The following THSD7B variants were observed in gnomAD, a reference collection of about 807,000 sequenced individuals.
The protein encoded by THSD7B is thrombospondin type-1 domain-containing protein 7B.
THSD7B carries 138 observed loss-of-function variants against 213.6 expected under a neutral mutation model. The ratio of observed to expected loss-of-function variants is 0.65; its 90% CI spans 0.56 to 0.74. The LOEUF (loss-of-function observed/expected upper bound fraction) is 0.74, where lower values mean the gene tolerates loss of function less well. THSD7B is among the 30% of genes least tolerant of loss of function. THSD7B has a pLI of 0.00. For missense variants in THSD7B, 1,931 were observed against 1,991.5 expected (o/e 0.97, Z 0.58); for synonymous variants, 742 against 687.0 (o/e 1.08, Z -1.25).
chr2:137,046,953 G>C (rs986684901), intron 2 of THSD7B, among the ~76,000 whole-genome samples: 3 of 152,054 alleles, frequency 2.0e-5, no homozygotes, highest in Non-Finnish European at 2.9e-5. Context: ...TCTTTATTTT[G>C]AAAGGAACAG....
intron 22 of THSD7B, 88 bp from the exon 23 acceptor site, chr2:137,656,708 A>C: frequency 7.5e-7 from 1 of 1,328,908 alleles, no homozygotes; most frequent in Non-Finnish European, 1.0e-6. Flanking sequence ...TATCACTGCA[A>C]ATCTCTGTGT....
At chr2:137,631,375 A>C (rs999677425) in intron 20 of THSD7B, among the ~76,000 whole-genome samples, 26 of 151,916 alleles carry the variant, frequency 1.7e-4, no homozygotes, top group African/African-American at 6.0e-4. Flanking sequence ...ATAACACTCT[A>C]AGAATGTTAT....
chr2:137,356,579 T>C (rs1189072271), intron 12 of THSD7B, among the ~76,000 whole-genome samples: 4 of 152,220 alleles, frequency 2.6e-5, no homozygotes, highest in Non-Finnish European at 5.9e-5. Context: ...CTTTGGCTAA[T>C]AGGACGTTGG....
intron 12 of THSD7B, among the ~76,000 whole-genome samples, chr2:137,340,936 AT>A (rs1210855816): frequency 6.6e-6 from 1 of 150,784 alleles, no homozygotes; most frequent in East Asian, 2.0e-4. Flanking sequence ...TTTTGGATAA[AT>A]GCTCAGAAGT....
chr2:136,833,662 G>A (rs1158682072), intron 1 of THSD7B, among the ~76,000 whole-genome samples: 1 of 152,046 alleles, frequency 6.6e-6, no homozygotes, highest in African/African-American at 2.4e-5. Context: ...CTGATTTGGA[G>A]CCTAGTTTAT....
intron 2 of THSD7B, among the ~76,000 whole-genome samples, chr2:136,930,487 T>C (rs1684608413): frequency 6.6e-6 from 1 of 152,206 alleles, no homozygotes; most frequent in African/African-American, 2.4e-5. Context: ...GTTTGATCTC[T>C]ATGACAGGCC....
chr2:136,954,739 T>TAAAAAAAAA (rs1685096840), intron 2 of THSD7B, among the ~76,000 whole-genome samples: 1 of 116,984 alleles, frequency 8.5e-6, no homozygotes, highest in African/African-American at 3.7e-5. Context: ...AAAAAAGAAA[T>TAAAAAAAAA]TACATAAGAG....
At chr2:137,221,576 G>T (rs1317919676) in intron 7 of THSD7B, among the ~76,000 whole-genome samples, 3 of 152,138 alleles carry the variant, frequency 2.0e-5, no homozygotes, top group Non-Finnish European at 4.4e-5. Flanking sequence ...TATGTTTTTT[G>T]ACTTTGTTTT....
At chr2:137,107,272 C>T (rs1399617755) in intron 4 of THSD7B, among the ~76,000 whole-genome samples, 1 of 152,166 alleles carries the variant, frequency 6.6e-6, no homozygotes, top group Non-Finnish European at 1.5e-5. Context: ...TCATTCTCAG[C>T]AAACTAACAC....
At chr2:137,134,860 T>C (rs967978404) in intron 5 of THSD7B, among the ~76,000 whole-genome samples, 13 of 152,188 alleles carry the variant, frequency 8.5e-5, no homozygotes, top group Admixed American at 8.5e-4. Flanking sequence ...TTAACAGCAG[T>C]AACAATGAGA....
intron 16 of THSD7B, among the ~76,000 whole-genome samples, chr2:137,564,175 T>G (rs535408011): frequency 9.8e-5 from 15 of 152,340 alleles, no homozygotes; most frequent in African/African-American, 3.6e-4. Flanking sequence ...GTGTTTCAAA[T>G]GGACAGTCAG....
intron 14 of THSD7B, among the ~76,000 whole-genome samples, chr2:137,436,599 G>C (rs1223351111): frequency 1.3e-5 from 2 of 152,022 alleles, no homozygotes; most frequent in Non-Finnish European, 2.9e-5. Context: ...TGATCAATTA[G>C]CAAGCCTTCA....
intron 12 of THSD7B, among the ~76,000 whole-genome samples, chr2:137,340,020 G>A (rs1203805173): frequency 6.6e-6 from 1 of 151,674 alleles, no homozygotes; most frequent in Non-Finnish European, 1.5e-5. Context: ...TTTTGATATG[G>A]AAACTTACTA....
At chr2:137,205,807 A>C (rs1680972928) in intron 7 of THSD7B, among the ~76,000 whole-genome samples, 1 of 152,072 alleles carries the variant, frequency 6.6e-6, no homozygotes, top group Non-Finnish European at 1.5e-5. Context: ...GTGATTCTAC[A>C]ACAGCTGTAC....
intron 2 of THSD7B, among the ~76,000 whole-genome samples, chr2:136,939,695 C>A: frequency 6.6e-6 from 1 of 152,124 alleles, no homozygotes; most frequent in Non-Finnish European, 1.5e-5. Context: ...TTATTATAAC[C>A]CTTAAGTGTT....
rs1448785532 is a variant in THSD7B at position 136,792,860 on chromosome 2, C to T, written c.-36+27173C>T. Among the ~76,000 whole-genome samples the T allele has an allele frequency of 2.6e-5, 4 of 151,970 alleles. No individual in the cohort carries two copies. The South Asian group carries it at 6.2e-4, about 24-fold the overall frequency. ...TACAAATACAATGTTTTGTGTCAGA[C>T]TTCTTTCTCTTACCAGGATGTTTTC... is the stretch of plus-strand genomic sequence containing the variant. On this transcript the variant is annotated intron_variant, in intron 1 of 27. Transcript: ENST00000409968.
intron 12 of THSD7B, among the ~76,000 whole-genome samples, chr2:137,343,720 A>C (rs1179220355): frequency 6.6e-6 from 1 of 151,824 alleles, no homozygotes; most frequent in Non-Finnish European, 1.5e-5. Flanking sequence ...TCTGCACTAA[A>C]AGACATGTTT....
At chr2:137,317,841 T>G (rs1390268601) in intron 12 of THSD7B, among the ~76,000 whole-genome samples, 3 of 152,156 alleles carry the variant, frequency 2.0e-5, no homozygotes, top group Admixed American at 1.3e-4. Flanking sequence ...AGAGGATTGC[T>G]TGAGCCCAGG....
intron 15 of THSD7B, among the ~76,000 whole-genome samples, chr2:137,533,429 C>G (rs1256175665): frequency 6.6e-6 from 1 of 151,784 alleles, no homozygotes; most frequent in Non-Finnish European, 1.5e-5. Flanking sequence ...AACTGCATTA[C>G]TCCTCCTTCA....
Sources: gnomAD v4.1 joint callset for allele counts (sites outside exome capture counted in the v4.1 genomes callset) on GRCh38, gnomAD v4.1.1 for gene constraint, MANE v1.5 for transcripts, NCBI Gene and HGNC (gene_info 2026-07-23, HGNC 2026-07-21) for gene names.